PPARGC1A: variants seen among roughly 807,000 people sequenced by gnomAD.
PPARGC1A encodes peroxisome proliferator-activated receptor gamma coactivator 1-alpha.
In PPARGC1A, 25 loss-of-function variants were observed where a neutral mutation model predicts 88.7. That is an observed-to-expected ratio of 0.28 (90% CI 0.21 to 0.39). The LOEUF (loss-of-function observed/expected upper bound fraction) is 0.39, where lower values mean the gene tolerates loss of function less well. PPARGC1A is among the 10% of genes least tolerant of loss of function. PPARGC1A has a pLI of 1.00. For missense variants in PPARGC1A, 880 were observed against 968.7 expected, an observed-to-expected ratio of 0.91 and a Z score of 1.22; for synonymous variants, 363 against 355.6, an observed-to-expected ratio of 1.02 and a Z score of -0.24.
At chr4:24,011,031 G>A in the PPARGC1A span, among the ~76,000 whole-genome samples, 1 of 152,142 alleles carries the variant, frequency 6.6e-6, no homozygotes, top group Admixed American at 6.6e-5. Flanking sequence ...GTGCTGAGAT[G>A]TATGAAGAAT....
chr4:24,416,159 G>A, the PPARGC1A span, among the ~76,000 whole-genome samples: 5 of 152,158 alleles, frequency 3.3e-5, no homozygotes, highest in Admixed American at 6.5e-5. Context: ...CAGTTACGAG[G>A]CAAGTGTGTT....
At chr4:23,845,047 G>C (rs189895810) in intron 2 of PPARGC1A, among the ~76,000 whole-genome samples, 1 of 151,384 alleles carries the variant, frequency 6.6e-6, no homozygotes, top group African/African-American at 2.4e-5. Flanking sequence ...CATGGTTTAC[G>C]TATAGGTATA....
the PPARGC1A span, among the ~76,000 whole-genome samples, chr4:24,315,361 T>C: frequency 0.32 from 48,783 of 152,072 alleles, 8,755 homozygotes; most frequent in Admixed American, 0.43. Context: ...CTAAGAAGTA[T>C]AGCCACATGA....
intron 12 of PPARGC1A, among the ~76,000 whole-genome samples, chr4:23,799,822 G>T (rs1221423743): frequency 6.6e-6 from 1 of 152,122 alleles, no homozygotes; most frequent in Non-Finnish European, 1.5e-5. Context: ...CCTCTAGGTA[G>T]CTTATTTTAA....
the PPARGC1A span, among the ~76,000 whole-genome samples, chr4:23,988,960 A>C: frequency 6.8e-6 from 1 of 147,752 alleles, no homozygotes; most frequent in East Asian, 1.9e-4. Flanking sequence ...TATATACTAT[A>C]TGTAATATAT....
At chr4:24,452,678 C>A in the PPARGC1A span, among the ~76,000 whole-genome samples, 1 of 152,154 alleles carries the variant, frequency 6.6e-6, no homozygotes, top group Non-Finnish European at 1.5e-5. Context: ...TATTCAATCA[C>A]GTGTGGCGTG....
At chr4:24,169,636 G>A in the PPARGC1A span, among the ~76,000 whole-genome samples, 6 of 152,028 alleles carry the variant, frequency 3.9e-5, no homozygotes, top group Non-Finnish European at 7.4e-5. Flanking sequence ...TTGGGATGCC[G>A]AGGTGGGTGG....
the PPARGC1A span, among the ~76,000 whole-genome samples, chr4:24,470,277 G>GACACAGACACACACACACACACAC: frequency 4.5e-5 from 5 of 110,744 alleles, no homozygotes; most frequent in Non-Finnish European, 5.6e-5. This position sits in a 1 kb window ranked among gnomAD's most constrained non-coding sequence, Gnocchi z 5.8. Context: ...GACAGACACA[G>GACACAGACACACACACACACACAC]ACACACACAC....
chr4:24,384,472 G>T, the PPARGC1A span, among the ~76,000 whole-genome samples: 29 of 147,136 alleles, frequency 2.0e-4, no homozygotes, highest in South Asian at 6.2e-3. Flanking sequence ...TCAATGTGCT[G>T]TATTCAGGAG....
chr4:23,967,998 C>G, the PPARGC1A span, among the ~76,000 whole-genome samples: 9 of 152,286 alleles, frequency 5.9e-5, no homozygotes, highest in South Asian at 1.9e-3. Flanking sequence ...GCCCTAGAAA[C>G]AACAGAAGAG....
chr4:23,931,089 A>T, the PPARGC1A span, among the ~76,000 whole-genome samples: 2 of 152,170 alleles, frequency 1.3e-5, no homozygotes, highest in South Asian at 2.1e-4. Flanking sequence ...ACAGGGAGTC[A>T]CCTGCTCACC....
At chr4:24,108,998 ACACACACACACACACACACAC>A in the PPARGC1A span, among the ~76,000 whole-genome samples, 9 of 144,492 alleles carry the variant, frequency 6.2e-5, no homozygotes, top group East Asian at 1.5e-3. Flanking sequence ...TATAAAAATC[ACACACACACACACACACACAC>A]CACACACACA....
At chr4:23,914,751 C>T in the PPARGC1A span, among the ~76,000 whole-genome samples, 1 of 152,170 alleles carries the variant, frequency 6.6e-6, no homozygotes, top group African/African-American at 2.4e-5. Flanking sequence ...ACATAGCTAC[C>T]TTAGATGTCA....
At chr4:24,053,085 A>G in the PPARGC1A span, among the ~76,000 whole-genome samples, 5 of 150,276 alleles carry the variant, frequency 3.3e-5, no homozygotes. Context: ...GTTAGCCAGG[A>G]TGGTCTTGAT....
At chr4:24,348,550 C>T in the PPARGC1A span, among the ~76,000 whole-genome samples, 1 of 152,162 alleles carries the variant, frequency 6.6e-6, no homozygotes, top group Admixed American at 6.5e-5. Flanking sequence ...ATTCAAATAC[C>T]TTGTCTTGGA....
chr4:24,081,219 C>A, the PPARGC1A span, among the ~76,000 whole-genome samples: 6 of 152,068 alleles, frequency 3.9e-5, no homozygotes, highest in Non-Finnish European at 7.4e-5. Context: ...ACCACTTGAC[C>A]ATTTCAGTTT....
the PPARGC1A span, among the ~76,000 whole-genome samples, chr4:24,441,326 G>A: frequency 2.0e-5 from 3 of 152,092 alleles, no homozygotes; most frequent in Non-Finnish European, 4.4e-5. Flanking sequence ...TAACCTAATT[G>A]TTTCTGTCCT....
chr4:24,269,946 G>A, the PPARGC1A span, among the ~76,000 whole-genome samples: 1 of 152,098 alleles, frequency 6.6e-6, no homozygotes, highest in African/African-American at 2.4e-5. Flanking sequence ...AATTTTGAGT[G>A]TCAACTTGAC....
At chr4:24,181,986 CT>C in the PPARGC1A span, among the ~76,000 whole-genome samples, 63 of 151,984 alleles carry the variant, frequency 4.1e-4, 1 homozygote, top group African/African-American at 1.4e-3. Flanking sequence ...TGGCACCTCA[CT>C]TTTTTTTAAT....
Sources: allele counts gnomAD v4.1 joint callset (sites outside exome capture counted in the v4.1 genomes callset), GRCh38; gene constraint gnomAD v4.1.1; non-coding constraint Gnocchi (gnomAD v3.1); transcripts MANE v1.5; gene names NCBI Gene and HGNC (gene_info 2026-07-23, HGNC 2026-07-21).